Variants in PLCH1 observed in about 807,000 individuals in gnomAD.
PLCH1 encodes the protein phospholipase C eta 1, also known as 1-phosphatidylinositol 4,5-bisphosphate phosphodiesterase eta-1.
Under a neutral mutation model 126.7 loss-of-function variants are expected in PLCH1, and 60 were observed. That is an observed-to-expected ratio of 0.47 (90% CI 0.38 to 0.59). The LOEUF (loss-of-function observed/expected upper bound fraction) is 0.59, where lower values mean the gene tolerates loss of function less well. PLCH1 is among the 20% of genes least tolerant of loss of function. The probability of loss-of-function intolerance (pLI) is 0.00; values close to 1 mark genes in which losing one functional copy is unlikely to be tolerated. For missense variants in PLCH1, 1,723 were observed against 2,040.0 expected (o/e 0.84, Z 2.99); for synonymous variants, 719 against 734.9 (o/e 0.98, Z 0.35).
chr3:155,690,054 A>C (rs549736544), intron 2 of PLCH1, among the ~76,000 whole-genome samples: 2 of 152,132 alleles, frequency 1.3e-5, no homozygotes, highest in African/African-American at 4.8e-5. Context: ...AATAAAAAAA[A>C]AAAAAAGAAA....
intron 2 of PLCH1, among the ~76,000 whole-genome samples, chr3:155,622,666 A>AAGAT (rs3035033): frequency 6.7e-6 from 1 of 149,900 alleles, no homozygotes; most frequent in East Asian, 1.9e-4. Flanking sequence ...AAAAGAGACA[A>AAGAT]GGGCATTACA....
At position 155,607,758 on chromosome 3, in the gene PLCH1, AT is replaced by A. The variant is rs966148533; in HGVS notation, c.80-11381del. Among the ~76,000 whole-genome samples, 13 of 152,314 alleles carry A rather than the reference AT, an allele frequency of 8.5e-5. No individual in the cohort carries two copies. In the East Asian group the frequency reaches 2.5e-3, roughly 29 times the overall value. On this transcript the variant is annotated intron_variant, in intron 2 of 22. Transcript: ENST00000460012. ...TTTTATTTAAAGATTATTAATAAAA[AT>A]ATCTTCAAAATATAGGCATTTGGGA...
intron 2 of PLCH1, among the ~76,000 whole-genome samples, chr3:155,693,925 T>C (rs1276670232): frequency 6.6e-6 from 1 of 151,220 alleles, no homozygotes; most frequent in African/African-American, 2.4e-5. Flanking sequence ...AGCGAAACTC[T>C]GTCTTAAAAA....
chr3:155,549,261 C>A (rs1230664334), intron 10 of PLCH1, among the ~76,000 whole-genome samples: 1 of 152,220 alleles, frequency 6.6e-6, no homozygotes, highest in African/African-American at 2.4e-5. Flanking sequence ...TGCTCTTTCA[C>A]ACGTACATGA....
intron 4 of PLCH1, among the ~76,000 whole-genome samples, chr3:155,588,223 A>G (rs528167779): frequency 7.2e-4 from 109 of 152,312 alleles, no homozygotes; most frequent in Middle Eastern, 3.4e-3. Flanking sequence ...AACTTTTAAA[A>G]TAACTAGCCC....
chr3:155,724,270 T>C (rs1343960505), intron 1 of PLCH1, among the ~76,000 whole-genome samples: 2 of 152,224 alleles, frequency 1.3e-5, no homozygotes, highest in Non-Finnish European at 2.9e-5. Context: ...TAAGTCTGTT[T>C]GTTCTAAGTC....
intron 2 of PLCH1, among the ~76,000 whole-genome samples, chr3:155,659,834 A>G (rs1741922334): frequency 6.6e-6 from 1 of 151,904 alleles, no homozygotes; most frequent in Admixed American, 6.6e-5. Flanking sequence ...GAGTCTCACT[A>G]TGTTGGCCAG....
chr3:155,547,481 G>T (rs1725508536), intron 10 of PLCH1, among the ~76,000 whole-genome samples: 1 of 141,556 alleles, frequency 7.1e-6, no homozygotes, highest in Admixed American at 7.1e-5. Context: ...AGTCAGTGTG[G>T]CGATTCCTCA....
At position 155,481,137 on chromosome 3, in the gene PLCH1, T is replaced by A. The variant is rs1476517549; in HGVS notation, c.4889A>T (p.Tyr1630Phe). 3 of 1,614,200 alleles carry A rather than the reference T, an allele frequency of 1.9e-6. No individual in the cohort carries two copies. The highest frequency in any genetic ancestry group is 8.5e-7 in the Non-Finnish European group (1 of 1,180,010). ...GCCACCCCCTTTCGTGTTCTTCAGG[T>A]AGCCTGCGATGTAGGAGCCGGTGGA... is the stretch of plus-strand genomic sequence containing the variant. ...RHSTGSYIAGYLKNTKGGGLE... is the reference protein window; with the variant it reads ...RHSTGSYIAGFLKNTKGGGLE... Residue 1630 changes from tyrosine (Y) to phenylalanine (F), a missense_variant, in exon 23 of 23, where the codon TAC becomes TTC. By Grantham distance (22) the Tyr-to-Phe change is conservative. Coordinates refer to ENST00000460012, the MANE Select transcript of PLCH1 (RefSeq NM_014996.4). This position sits in a 1 kb window ranked among gnomAD's most constrained non-coding sequence, Gnocchi z 4.2.
chr3:155,638,386 A>T (rs1448269701), intron 2 of PLCH1, among the ~76,000 whole-genome samples: 8 of 152,202 alleles, frequency 5.3e-5, no homozygotes, highest in Admixed American at 4.6e-4. Flanking sequence ...CATGTTCCCC[A>T]CCAGTTTCCA....
At chr3:155,560,923 C>T (rs1238211296) in intron 8 of PLCH1, among the ~76,000 whole-genome samples, 2 of 152,156 alleles carry the variant, frequency 1.3e-5, no homozygotes, top group African/African-American at 4.8e-5. Context: ...CCTTCGAGGG[C>T]ACTACTTCCT....
At chr3:155,520,275 C>T (rs1004515445) in intron 11 of PLCH1, among the ~76,000 whole-genome samples, 5 of 152,096 alleles carry the variant, frequency 3.3e-5, no homozygotes, top group African/African-American at 1.2e-4. Context: ...GATTCATAAT[C>T]CTTTTTAGGA....
chr3:155,741,424 C>G (rs368784156), intron 1 of PLCH1, among the ~76,000 whole-genome samples: 3 of 152,148 alleles, frequency 2.0e-5, no homozygotes, highest in East Asian at 3.8e-4. Context: ...CAGCAAGCTT[C>G]CCTGGGTTTA....
intron 2 of PLCH1, among the ~76,000 whole-genome samples, chr3:155,643,992 C>A (rs1739711709): frequency 6.6e-6 from 1 of 152,114 alleles, no homozygotes; most frequent in African/African-American, 2.4e-5. Flanking sequence ...AATGCAGGCC[C>A]AGAAAAGAAA....
chr3:155,639,353 G>A (rs1012857047), intron 2 of PLCH1, among the ~76,000 whole-genome samples: 1 of 152,044 alleles, frequency 6.6e-6, no homozygotes, highest in African/African-American at 2.4e-5. Flanking sequence ...CCCAGCTGCA[G>A]AGGAGGCTTA....
chr3:155,516,809 G>A (rs1042430132), intron 11 of PLCH1, among the ~76,000 whole-genome samples: 1 of 151,880 alleles, frequency 6.6e-6, no homozygotes, highest in Non-Finnish European at 1.5e-5. Context: ...AAGTATTAAA[G>A]AGGAATACCC....
chr3:155,743,969 C>T (rs974665421), intron 1 of PLCH1, among the ~76,000 whole-genome samples: 2 of 151,954 alleles, frequency 1.3e-5, no homozygotes, highest in African/African-American at 4.8e-5. Flanking sequence ...TTTCTTCTGT[C>T]CGTGATCAAA....
intron 2 of PLCH1, among the ~76,000 whole-genome samples, chr3:155,632,361 C>A (rs1738157403): frequency 6.6e-6 from 1 of 152,178 alleles, no homozygotes; most frequent in South Asian, 2.1e-4. Flanking sequence ...ATGCTTTAAT[C>A]CAGAATTTGG....
At chr3:155,734,677 T>C (rs1749023979) in intron 1 of PLCH1, among the ~76,000 whole-genome samples, 1 of 151,844 alleles carries the variant, frequency 6.6e-6, no homozygotes, top group African/African-American at 2.4e-5. Context: ...ATGTGGTATA[T>C]ATATATACAC....
Sources: gnomAD v4.1 joint callset for allele counts (sites outside exome capture counted in the v4.1 genomes callset) on GRCh38, gnomAD v4.1.1 for gene constraint, Gnocchi (gnomAD v3.1) non-coding constraint, MANE v1.5 for transcripts, NCBI Gene and HGNC (gene_info 2026-07-23, HGNC 2026-07-21) for gene names.